Variants in FAM114A1 observed in about 807,000 individuals in gnomAD.
FAM114A1 encodes the protein family with sequence similarity 114 member A1.
In FAM114A1, 62 loss-of-function variants were observed where a neutral mutation model predicts 64.3. The observed-to-expected ratio is 0.96, with a 90% CI of 0.79 to 1.19. FAM114A1 has a LOEUF of 1.19. Among genes scored for constraint, FAM114A1 ranks in the 50% most tolerant of loss-of-function variants. FAM114A1 has a pLI of 0.00. For synonymous variants in FAM114A1, 254 were observed against 251.1 expected (o/e 1.01, Z -0.11); for missense variants, 645 against 676.3 (o/e 0.95, Z 0.51).
chr4:38,878,451 T>C, intron 3 of FAM114A1, 25 bp downstream of exon 3: 1 of 1,543,582 alleles, frequency 6.5e-7, no homozygotes, highest in Non-Finnish European at 8.7e-7. Context: ...TTCAATTCAC[T>C]TCGGCCTAAG....
chr4:38,883,440 A>G (rs1715493533), intron 3 of FAM114A1, among the ~76,000 whole-genome samples: 1 of 151,716 alleles, frequency 6.6e-6, no homozygotes, highest in Non-Finnish European at 1.5e-5. Context: ...CCCAATCTAG[A>G]TTAAATTTCT....
At chr4:38,907,811 G>T (rs1718168948) in intron 6 of FAM114A1, among the ~76,000 whole-genome samples, 1 of 152,078 alleles carries the variant, frequency 6.6e-6, no homozygotes, top group Non-Finnish European at 1.5e-5. Flanking sequence ...TATTATAATT[G>T]CAGTTATACA....
At chr4:38,888,329 G>A (rs1438259075) in intron 3 of FAM114A1, among the ~76,000 whole-genome samples, 1 of 151,964 alleles carries the variant, frequency 6.6e-6, no homozygotes, top group Admixed American at 6.6e-5. Context: ...ACCAGCCTGG[G>A]CAACATAGTG....
intron 8 of FAM114A1, among the ~76,000 whole-genome samples, chr4:38,920,302 C>T (rs1719466812): frequency 1.3e-5 from 2 of 152,136 alleles, no homozygotes; most frequent in Non-Finnish European, 1.5e-5. Flanking sequence ...GCAGCACACA[C>T]CTCCTTTCAA....
At chr4:38,876,674 T>A (rs1263731511) in intron 2 of FAM114A1, among the ~76,000 whole-genome samples, 1 of 152,224 alleles carries the variant, frequency 6.6e-6, no homozygotes, top group African/African-American at 2.4e-5. Context: ...ACTTCACGGC[T>A]TTTGCCAACA....
At chr4:38,916,060 G>T (rs965882995) in intron 8 of FAM114A1, among the ~76,000 whole-genome samples, 10 of 152,114 alleles carry the variant, frequency 6.6e-5, no homozygotes, top group Non-Finnish European at 1.5e-5. Flanking sequence ...AGTAGTTTTT[G>T]ACTCTCCCTA....
At chr4:38,868,373 C>G (rs1713672543) in intron 1 of FAM114A1, 25 bp from the exon 2 acceptor site, 1 of 152,966 alleles carries the variant, frequency 6.5e-6, no homozygotes, top group African/African-American at 2.4e-5. Context: ...TCCCCGCTCC[C>G]CTCGCCTTAC....
rs757295943 is a variant in FAM114A1, at chr4:38,929,120, C to A, written c.1070-122C>A. On this transcript the variant is annotated intron_variant, in intron 9 of 14. Transcript: ENST00000358869. Reference sequence around the variant, plus strand: ...ACATTCATCTTTGCCCAGCGGCTGGCGGGCAGGCTGCTACAACCTCCACTT... The same window carrying A: ...ACATTCATCTTTGCCCAGCGGCTGGAGGGCAGGCTGCTACAACCTCCACTT... 8.3e-6 allele frequency: 6 copies of A among 725,062 alleles called. No homozygotes were observed. In the Admixed American group the frequency reaches 1.0e-4, roughly 12 times the overall value. 44.9% of individuals were successfully genotyped at this position (725,062 alleles called of 1,614,324 possible). A position where few individuals can be genotyped will look rare whatever the true frequency, so the allele number is the denominator to read the frequency against.
chr4:38,936,238 G>A (rs1181828467), intron 13 of FAM114A1, among the ~76,000 whole-genome samples: 13 of 150,752 alleles, frequency 8.6e-5, no homozygotes, highest in East Asian at 2.0e-4. Flanking sequence ...GACTACAGGC[G>A]CCCGCCACCA....
At chr4:38,940,864 C>A in intron 13 of FAM114A1, 104 bp from the exon 14 acceptor site, 1 of 1,199,124 alleles carries the variant, frequency 8.3e-7, no homozygotes, top group Non-Finnish European at 1.2e-6. Flanking sequence ...CCCTCCTCTT[C>A]CTCTGCAAGA....
chr4:38,902,717 C>G (rs370744920), intron 4 of FAM114A1, among the ~76,000 whole-genome samples: 7 of 152,164 alleles, frequency 4.6e-5, no homozygotes, highest in African/African-American at 1.7e-4. Context: ...TTTGGGGATA[C>G]TTGGGGTTTG....
intron 9 of FAM114A1, among the ~76,000 whole-genome samples, chr4:38,923,139 G>T (rs545085771): frequency 1.3e-5 from 2 of 152,106 alleles, no homozygotes; most frequent in African/African-American, 4.8e-5. Context: ...TCACAGGCAT[G>T]CAGTAAATGT....
In FAM114A1 at chr4:38,927,840, C is replaced by T. The variant is rs779674722; in HGVS notation, c.1070-1402C>T. Among the ~76,000 whole-genome samples the T allele has an allele frequency of 4.6e-5, 7 of 152,108 alleles. No individual in the cohort carries two copies. The South Asian group carries it at 6.2e-4, about 14-fold the overall frequency. Reference sequence around the variant, plus strand: ...CTGGGATTACAGGCGCCCGCCTCCGCGCCCGGTTAATTTTTGTATTTTTAG... The same window carrying T: ...CTGGGATTACAGGCGCCCGCCTCCGTGCCCGGTTAATTTTTGTATTTTTAG... On this transcript the variant is annotated intron_variant, in intron 9 of 14. Coordinates refer to ENST00000358869, the MANE Select transcript of FAM114A1 (RefSeq NM_138389.4).
intron 3 of FAM114A1, among the ~76,000 whole-genome samples, chr4:38,888,228 G>A (rs1417677976): frequency 6.6e-6 from 1 of 151,670 alleles, no homozygotes; most frequent in Non-Finnish European, 1.5e-5. Context: ...CCTATTTAAA[G>A]AACGTTGAAC....
chr4:38,885,700 A>C (rs1025466717), intron 3 of FAM114A1, among the ~76,000 whole-genome samples: 5 of 152,236 alleles, frequency 3.3e-5, no homozygotes. Flanking sequence ...TTGGTAAAGC[A>C]TCAGATGTTA....
At chr4:38,942,584 C>A (rs1489697454) in intron 14 of FAM114A1, among the ~76,000 whole-genome samples, 2 of 152,038 alleles carry the variant, frequency 1.3e-5, no homozygotes, top group Non-Finnish European at 2.9e-5. Context: ...TTTTAGTTAC[C>A]CTAACCTTTA....
chr4:38,903,423 G>T (rs1485471556), intron 4 of FAM114A1, among the ~76,000 whole-genome samples: 1 of 152,120 alleles, frequency 6.6e-6, no homozygotes, highest in Non-Finnish European at 1.5e-5. Context: ...TTTCTTGAGT[G>T]GCTTAAGCAA....
chr4:38,907,300 A>T (rs1718103577), intron 6 of FAM114A1, among the ~76,000 whole-genome samples: 1 of 152,106 alleles, frequency 6.6e-6, no homozygotes, highest in African/African-American at 2.4e-5. Context: ...TGGTATAAGA[A>T]ATGAATTCAC....
intron 3 of FAM114A1, among the ~76,000 whole-genome samples, chr4:38,884,799 G>A (rs17582893): frequency 0.15 from 22,442 of 152,100 alleles, 2,202 homozygotes; most frequent in Middle Eastern, 0.38. Flanking sequence ...CAGAGCTAAG[G>A]TTTCTTCCCT....
Sources: allele counts gnomAD v4.1 joint callset (sites outside exome capture counted in the v4.1 genomes callset), GRCh38; gene constraint gnomAD v4.1.1; transcripts MANE v1.5; gene names NCBI Gene and HGNC (gene_info 2026-07-23, HGNC 2026-07-21).